SYT16: variants seen among roughly 807,000 people sequenced by gnomAD.
SYT16 encodes the protein synaptotagmin-16.
Under a neutral mutation model 61.4 loss-of-function variants are expected in SYT16, and 42 were observed. The ratio of observed to expected loss-of-function variants is 0.68; its 90% CI spans 0.53 to 0.89. The LOEUF (loss-of-function observed/expected upper bound fraction) is 0.89. SYT16 is among the 40% of genes least tolerant of loss of function. The probability of loss-of-function intolerance (pLI) is 0.00; values close to 1 mark genes in which losing one functional copy is unlikely to be tolerated. For missense variants in SYT16, 804 were observed against 807.3 expected (o/e 1.00, Z 0.05); for synonymous variants, 314 against 302.3 (o/e 1.04, Z -0.40).
chr14:61,990,294 A>G (rs1423279772), intron 2 of SYT16, among the ~76,000 whole-genome samples: 5 of 152,236 alleles, frequency 3.3e-5, no homozygotes, highest in African/African-American at 4.8e-5. Flanking sequence ...TAGTAAGTCA[A>G]TAAGAAATAA....
intron 1 of SYT16, among the ~76,000 whole-genome samples, chr14:61,951,877 C>T (rs887234347): frequency 1.3e-5 from 2 of 152,118 alleles, no homozygotes; most frequent in African/African-American, 4.8e-5. Flanking sequence ...GCAGCCTCAA[C>T]CTCCTAGGCT....
intron 3 of SYT16, among the ~76,000 whole-genome samples, chr14:62,021,525 G>A (rs1456831319): frequency 6.6e-6 from 1 of 151,720 alleles, no homozygotes; most frequent in Non-Finnish European, 1.5e-5. Context: ...AGTTGCAGAG[G>A]TCTTCAACTG....
At chr14:62,100,361 C>T (rs1333091533) in intron 7 of SYT16, 33 bp from the exon 8 acceptor site, 3 of 1,517,326 alleles carry the variant, frequency 2.0e-6, no homozygotes. Flanking sequence ...TGTTTCTTAT[C>T]ATCCCCACCC....
intron 1 of SYT16, among the ~76,000 whole-genome samples, chr14:61,843,560 C>G (rs2046358993): frequency 6.6e-6 from 1 of 152,136 alleles, no homozygotes; most frequent in Non-Finnish European, 1.5e-5. Context: ...AGTCTTTAAT[C>G]TATTTTGATT....
At chr14:61,946,228 T>C (rs1256958176) in intron 1 of SYT16, among the ~76,000 whole-genome samples, 1 of 152,204 alleles carries the variant, frequency 6.6e-6, no homozygotes, top group East Asian at 1.9e-4. Context: ...GATGAAATGA[T>C]GTATTTTGCA....
At chr14:61,905,601 C>A (rs991724136) in intron 1 of SYT16, among the ~76,000 whole-genome samples, 9 of 152,282 alleles carry the variant, frequency 5.9e-5, no homozygotes, top group African/African-American at 2.2e-4. Flanking sequence ...GCTTGCCTTG[C>A]CCTCTTCTTA....
At chr14:62,041,969 T>G (rs1022937599) in intron 3 of SYT16, among the ~76,000 whole-genome samples, 4 of 152,234 alleles carry the variant, frequency 2.6e-5, no homozygotes, top group Admixed American at 1.3e-4. Context: ...TTCATCTCTA[T>G]AAGTTTCATT....
At chr14:62,015,857 T>TATA (rs2053652127) in intron 3 of SYT16, among the ~76,000 whole-genome samples, 2 of 152,344 alleles carry the variant, frequency 1.3e-5, no homozygotes, top group Admixed American at 6.5e-5. Context: ...GGTATGTTGT[T>TATA]ATAGCAGCCT....
At chr14:62,077,999 A>G (rs535684825) in intron 5 of SYT16, among the ~76,000 whole-genome samples, 27 of 152,244 alleles carry the variant, frequency 1.8e-4, no homozygotes, top group Non-Finnish European at 2.5e-4. Flanking sequence ...CAAAACTAAG[A>G]GCTATTAACT....
At chr14:61,963,365 C>A (rs376961861) in intron 1 of SYT16, among the ~76,000 whole-genome samples, 10 of 152,282 alleles carry the variant, frequency 6.6e-5, no homozygotes, top group South Asian at 2.1e-4. Flanking sequence ...AAGTGCTACT[C>A]CAGTGAACAC....
At chr14:61,990,147 CT>C (rs1387089471) in intron 2 of SYT16, among the ~76,000 whole-genome samples, 4 of 152,134 alleles carry the variant, frequency 2.6e-5, no homozygotes, top group African/African-American at 7.2e-5. Flanking sequence ...GAGTTGCAGC[CT>C]ATTTTATAGT....
At chr14:61,854,265 T>C (rs1002371302) in intron 1 of SYT16, among the ~76,000 whole-genome samples, 1 of 152,232 alleles carries the variant, frequency 6.6e-6, no homozygotes, top group Non-Finnish European at 1.5e-5. Context: ...TTTATATATC[T>C]AGTGATTATC....
intron 1 of SYT16, among the ~76,000 whole-genome samples, chr14:61,918,695 C>A (rs977135760): frequency 6.6e-6 from 1 of 151,684 alleles, no homozygotes; most frequent in Non-Finnish European, 1.5e-5. Context: ...TCAAAGATAG[C>A]TCTGAAAATA....
chr14:61,836,640 A>G (rs2046138339), intron 1 of SYT16, among the ~76,000 whole-genome samples: 1 of 152,162 alleles, frequency 6.6e-6, no homozygotes, highest in African/African-American at 2.4e-5. Flanking sequence ...CTGTTGTAAT[A>G]ACCAGGATTT....
chr14:61,943,167 C>T (rs572922136), intron 1 of SYT16, among the ~76,000 whole-genome samples: 45 of 152,248 alleles, frequency 3.0e-4, no homozygotes, highest in African/African-American at 1.1e-3. Context: ...ATACACCCTC[C>T]CAAGACTAAA....
At chr14:61,859,151 G>A (rs1017359065) in intron 1 of SYT16, among the ~76,000 whole-genome samples, 1 of 151,846 alleles carries the variant, frequency 6.6e-6, no homozygotes, top group Non-Finnish European at 1.5e-5. Context: ...GAGCCACCGC[G>A]CCCGGCCAGC....
At chr14:62,066,698 G>A (rs545470667) in intron 3 of SYT16, among the ~76,000 whole-genome samples, 40 of 152,272 alleles carry the variant, frequency 2.6e-4, no homozygotes, top group African/African-American at 8.7e-4. Flanking sequence ...GATATAAAAT[G>A]ATGAAAAATT....
Position 61,995,901 on chromosome 14 carries a change from C to G in SYT16, c.-119C>G. 1 of 1,009,966 alleles carries G rather than the reference C, an allele frequency of 9.9e-7. No homozygotes were observed. Among genetic ancestry groups the G allele is most frequent in the Non-Finnish European group, 1.4e-6 (1 of 712,284 alleles). 62.6% of individuals were successfully genotyped at this position (1,009,966 alleles called of 1,614,324 possible). ...CTGGAAGTTTTGAGAGTGAAATATT[C>G]ACAGCCATTAAGAGACCTCCAAATT... On this transcript the variant is annotated 5_prime_UTR_variant, in exon 3 of 8. Transcript: ENST00000683842.
chr14:61,900,213 C>T (rs919854429), intron 1 of SYT16, among the ~76,000 whole-genome samples: 6 of 145,438 alleles, frequency 4.1e-5, no homozygotes, highest in African/African-American at 1.5e-4. Flanking sequence ...GGCTGAAATG[C>T]AGTGGCGCAA....
Sources: gnomAD v4.1 joint callset for allele counts (sites outside exome capture counted in the v4.1 genomes callset) on GRCh38, gnomAD v4.1.1 for gene constraint, MANE v1.5 for transcripts, NCBI Gene and HGNC (gene_info 2026-07-23, HGNC 2026-07-21) for gene names.